PXDNL: variants seen among roughly 807,000 people sequenced by gnomAD.
PXDNL encodes the protein probable oxidoreductase PXDNL.
A neutral mutation model predicts 150.8 loss-of-function variants in PXDNL; 145 were observed. The observed-to-expected ratio is 0.96, with a 90% CI of 0.84 to 1.10. The LOEUF (loss-of-function observed/expected upper bound fraction) is 1.10, where lower values mean the gene tolerates loss of function less well. Among genes scored for constraint, PXDNL ranks in the 50% least tolerant of loss-of-function variants. PXDNL has a pLI of 0.00. For missense variants in PXDNL, 2,087 were observed against 1,873.9 expected, an observed-to-expected ratio of 1.11 and a Z score of -2.10; for synonymous variants, 757 against 725.7, an observed-to-expected ratio of 1.04 and a Z score of -0.69.
intron 1 of PXDNL, among the ~76,000 whole-genome samples, chr8:51,768,146 A>G (rs192403337): frequency 7.2e-5 from 11 of 152,342 alleles, no homozygotes; most frequent in Non-Finnish European, 1.2e-4. Context: ...AAAGCTCACG[A>G]TTCTTACTGA....
chr8:51,653,985 A>C (rs1185638689), intron 2 of PXDNL, among the ~76,000 whole-genome samples: 1 of 152,168 alleles, frequency 6.6e-6, no homozygotes, highest in African/African-American at 2.4e-5. Context: ...TATACATAGG[A>C]ATTTTTTCTA....
At chr8:51,508,257 C>T (rs1462687359) in intron 4 of PXDNL, among the ~76,000 whole-genome samples, 1 of 152,150 alleles carries the variant, frequency 6.6e-6, no homozygotes, top group Non-Finnish European at 1.5e-5. Flanking sequence ...TAGCTTTGCC[C>T]TCAATTTTCC....
chr8:51,359,898 C>A (rs969768559), intron 19 of PXDNL, among the ~76,000 whole-genome samples: 10 of 152,126 alleles, frequency 6.6e-5, no homozygotes, highest in Non-Finnish European at 1.5e-5. Flanking sequence ...AGACCACAGT[C>A]CAGGAATCCT....
chr8:51,731,718 C>T (rs1261450458), intron 1 of PXDNL, among the ~76,000 whole-genome samples: 1 of 152,190 alleles, frequency 6.6e-6, no homozygotes, highest in African/African-American at 2.4e-5. Flanking sequence ...GGTTCCCAAA[C>T]CTCAATTCTT....
intron 1 of PXDNL, among the ~76,000 whole-genome samples, chr8:51,799,430 A>T (rs937877213): frequency 9.2e-5 from 14 of 152,228 alleles, no homozygotes; most frequent in Non-Finnish European, 1.9e-4. Context: ...TTCCTGAGAA[A>T]ATGTGAGGTA....
At chr8:51,504,677 T>C (rs12544806) in intron 4 of PXDNL, among the ~76,000 whole-genome samples, 56,052 of 152,072 alleles carry the variant, frequency 0.37, 11,448 homozygotes, top group African/African-American at 0.55. Context: ...AGACAGAAAT[T>C]ATATTGGATT....
At position 51,426,669 on chromosome 8, in the gene PXDNL, G is replaced by C. The variant is rs757882415; in HGVS notation, c.1615C>G (p.Gln539Glu). 9 of 1,600,504 alleles carry C rather than the reference G, an allele frequency of 5.6e-6. No individual in the cohort carries two copies. The highest frequency in any genetic ancestry group is 7.7e-6 in the Non-Finnish European group (9 of 1,169,840). ...ACCTTATTCCAAGTAATTATGGGCT[G>C]TGGTTCTCCTTGAGCATGACATGAA... ...NISCHAQGEP[Q>E]PIITWNKEGV... The change falls in exon 13 of 23, where the codon CAG becomes GAG. Residue 539 changes from glutamine to glutamate, a missense_variant. By Grantham distance (29) the Gln-to-Glu change is conservative. Transcript: ENST00000356297.
chr8:51,632,250 A>C (rs1814505691), intron 2 of PXDNL, among the ~76,000 whole-genome samples: 1 of 152,166 alleles, frequency 6.6e-6, no homozygotes, highest in South Asian at 2.1e-4. Flanking sequence ...GATAAATAAC[A>C]ATATAGAGGA....
Position 51,725,729 on chromosome 8 carries a change from A to G in PXDNL, c.165-70969T>C, listed in dbSNP as rs564717689. Reference sequence around the variant, plus strand: ...GTGGGAACAACTAAAGAACATTTTGATTGGGGATAGAACCCAGTTCTCTTT... The same window carrying G: ...GTGGGAACAACTAAAGAACATTTTGGTTGGGGATAGAACCCAGTTCTCTTT... On this transcript the variant is annotated intron_variant, in intron 1 of 22. Coordinates refer to ENST00000356297, the MANE Select transcript of PXDNL (RefSeq NM_144651.5). Among the ~76,000 whole-genome samples, 199 of 152,312 alleles carry G rather than the reference A, an allele frequency of 1.3e-3. 1 individual carries two copies. The highest frequency in any genetic ancestry group is 4.6e-3 in the African/African-American group (192 of 41,568).
At chr8:51,713,226 C>T (rs887123560) in intron 1 of PXDNL, among the ~76,000 whole-genome samples, 4 of 152,190 alleles carry the variant, frequency 2.6e-5, no homozygotes, top group African/African-American at 9.6e-5. Flanking sequence ...TGCTGCTATG[C>T]AAAGGCATAG....
At chr8:51,623,618 C>T (rs1012921130) in intron 2 of PXDNL, among the ~76,000 whole-genome samples, 5 of 152,202 alleles carry the variant, frequency 3.3e-5, no homozygotes, top group African/African-American at 1.2e-4. Flanking sequence ...ATCCACAGCA[C>T]CCAGCAGACC....
At chr8:51,740,896 ATCTGAGATACTG>A (rs2036900851) in intron 1 of PXDNL, among the ~76,000 whole-genome samples, 1 of 152,206 alleles carries the variant, frequency 6.6e-6, no homozygotes, top group African/African-American at 2.4e-5. Context: ...ATCAATGTTC[ATCTGAGATACTG>A]GCCTGAAGTT....
intron 1 of PXDNL, among the ~76,000 whole-genome samples, chr8:51,802,798 A>T (rs940126699): frequency 3.3e-5 from 5 of 152,226 alleles, no homozygotes; most frequent in Non-Finnish European, 5.9e-5. Context: ...AGCTTATTGA[A>T]CTTCATGGCA....
intron 3 of PXDNL, among the ~76,000 whole-genome samples, chr8:51,577,830 T>C (rs1813091132): frequency 1.3e-5 from 2 of 149,318 alleles, no homozygotes; most frequent in South Asian, 4.2e-4. Context: ...GGCAGGAATG[T>C]CTGCTCTTAC....
At chr8:51,757,064 T>G (rs1183013820) in intron 1 of PXDNL, among the ~76,000 whole-genome samples, 7 of 152,250 alleles carry the variant, frequency 4.6e-5, no homozygotes, top group Admixed American at 3.9e-4. Context: ...TTGTATCAGG[T>G]ATACTTTTCT....
In PXDNL at chr8:51,581,903, T is replaced by G. The variant is rs112284409; in HGVS notation, c.308+10724A>C. Reference sequence around the variant, plus strand: ...GCAATCTGCTTATTCATATGCCTGTTCAGATTTTCTATTTCTCCCTCATCA... The same window carrying G: ...GCAATCTGCTTATTCATATGCCTGTGCAGATTTTCTATTTCTCCCTCATCA... On this transcript the variant is annotated intron_variant, in intron 3 of 22. Transcript: ENST00000356297. Among the ~76,000 whole-genome samples, 944 of 152,286 alleles carry G rather than the reference T, an allele frequency of 6.2e-3. 3 individuals are homozygous for G. The highest frequency in any genetic ancestry group is 0.022 in the African/African-American group (898 of 41,572).
intron 2 of PXDNL, among the ~76,000 whole-genome samples, chr8:51,641,254 G>C (rs1183650633): frequency 6.6e-6 from 1 of 151,082 alleles, no homozygotes; most frequent in Non-Finnish European, 1.5e-5. Flanking sequence ...AAAAACCCTA[G>C]AACAAAACCT....
At chr8:51,371,806 C>T in intron 19 of PXDNL, 67 bp downstream of exon 19, 1 of 1,367,378 alleles carries the variant, frequency 7.3e-7, no homozygotes, top group South Asian at 1.2e-5. Flanking sequence ...ATCTTTACCA[C>T]TGAAAACAAT....
chr8:51,748,198 C>T (rs2037007144), intron 1 of PXDNL, among the ~76,000 whole-genome samples: 1 of 152,204 alleles, frequency 6.6e-6, no homozygotes, highest in Non-Finnish European at 1.5e-5. Flanking sequence ...ACACCGGGGA[C>T]TTACACACAC....
Sources: gnomAD v4.1 joint callset for allele counts (sites outside exome capture counted in the v4.1 genomes callset) on GRCh38, gnomAD v4.1.1 for gene constraint, MANE v1.5 for transcripts, NCBI Gene and HGNC (gene_info 2026-07-23, HGNC 2026-07-21) for gene names.